The following GNGT1 variants were observed in gnomAD, a reference collection of about 807,000 sequenced individuals.
The protein encoded by GNGT1 is guanine nucleotide-binding protein G(T) subunit gamma-T1.
A neutral mutation model predicts 7.4 loss-of-function variants in GNGT1; 4 were observed. The ratio of observed to expected loss-of-function variants is 0.54; its 90% CI spans 0.27 to 1.24. The LOEUF is 1.24. Ranked by LOEUF, GNGT1 falls within the 50% of genes most tolerant of loss-of-function variation. GNGT1 has a pLI of 0.12. For missense variants in GNGT1, 95 were observed against 82.4 expected (o/e 1.15, Z -0.59); for synonymous variants, 37 against 30.2 (o/e 1.23, Z -0.74).
chr7:93,908,322 A>G (rs1029010064), intron 2 of GNGT1, among the ~76,000 whole-genome samples: 7 of 152,228 alleles, frequency 4.6e-5, no homozygotes, highest in Middle Eastern at 3.4e-3. Context: ...CCAGAGTATC[A>G]TAGACTGGTG....
At chr7:93,908,215 G>A (rs1191514434) in intron 2 of GNGT1, among the ~76,000 whole-genome samples, 1 of 151,944 alleles carries the variant, frequency 6.6e-6, no homozygotes, top group Non-Finnish European at 1.5e-5. Flanking sequence ...TTTAATATCA[G>A]ACTGCAAAAA....
At position 93,911,046 on chromosome 7, in the gene GNGT1, A is replaced by C; in HGVS notation, c.*128A>C. ...CGTGAATTTTTAAATTTATAGATGT[A>C]AACTTTTAATAAAAATTGGGGTGTG... On this transcript the variant is annotated 3_prime_UTR_variant, in exon 3 of 3. Coordinates refer to ENST00000248572, the MANE Select transcript of GNGT1 (RefSeq NM_021955.5). 1 of 542,186 alleles carries C rather than the reference A, an allele frequency of 1.8e-6. No individual in the cohort carries two copies. Among genetic ancestry groups the C allele is most frequent in the Non-Finnish European group, 3.0e-6 (1 of 337,856 alleles). The allele number at this position is 542,186 out of a possible 1,614,324, so 33.6% of individuals were successfully genotyped here.
At chr7:93,907,951 T>C (rs1228493446) in intron 2 of GNGT1, among the ~76,000 whole-genome samples, 1 of 152,156 alleles carries the variant, frequency 6.6e-6, no homozygotes, top group East Asian at 1.9e-4. Flanking sequence ...TCAGGGTAAA[T>C]AAAATGAACT....
At position 93,910,800 on chromosome 7, in the gene GNGT1, G is replaced by A. The variant is rs1313465886; in HGVS notation, c.107G>A (p.Cys36Tyr). The change falls in exon 3 of 3, where the codon TGT (cysteine) becomes TAT (tyrosine). Residue 36 changes from cysteine (C) to tyrosine (Y), a missense_variant. By Grantham distance (194) the Cys-to-Tyr change is radical (BLOSUM62 -2). Transcript: ENST00000248572. ...TTCCTTCCCCTTAAGGTTTCCAAAT[G>A]TTGTGAAGAAGTAAGAGATTACGTT... ...VTLERMLVSKCCEEVRDYVEE... is the reference protein window; with the variant it reads ...VTLERMLVSKYCEEVRDYVEE... 1 of 1,603,048 alleles carries A rather than the reference G, an allele frequency of 6.2e-7. No individual in the cohort carries two copies. Among genetic ancestry groups the A allele is most frequent in the South Asian group, 1.1e-5 (1 of 89,512 alleles).
chr7:93,910,481 C>T (rs1476585238), intron 2 of GNGT1: 2 of 164,878 alleles, frequency 1.2e-5, no homozygotes, highest in East Asian at 1.6e-4. Flanking sequence ...TGGTGACACC[C>T]TTGACTTCTG....
chr7:93,908,601 A>G (rs1794412682), intron 2 of GNGT1, among the ~76,000 whole-genome samples: 1 of 151,980 alleles, frequency 6.6e-6, no homozygotes, highest in Non-Finnish European at 1.5e-5. Flanking sequence ...TCAACAAATG[A>G]ATTTATATAG....
At position 93,910,790 on chromosome 7, in the gene GNGT1, G is replaced by C; in HGVS notation, c.97G>C (p.Val33Leu). 1 of 1,599,036 alleles carries C rather than the reference G, an allele frequency of 6.3e-7. No individual in the cohort carries two copies. The highest frequency in any genetic ancestry group is 1.3e-5 in the African/African-American group (1 of 74,526). ...KKEVTLERML[V>L]SKCCEEVRDY... The stretch of plus-strand genomic sequence containing the variant: ...TCATCCCTTTTTCCTTCCCCTTAAG[G>C]TTTCCAAATGTTGTGAAGAAGTAAG... Residue 33 changes from valine (V) to leucine (L), a missense_variant and splice_region_variant, in exon 3 of 3, where the codon GTT becomes CTT. Val to Leu is a conservative substitution (Grantham distance 32). Transcript: ENST00000248572.
intron 2 of GNGT1, chr7:93,909,386 C>T (rs1794425913): frequency 1.6e-6 from 1 of 644,974 alleles, no homozygotes; most frequent in Non-Finnish European, 2.8e-6. Flanking sequence ...TGTTAAACTA[C>T]ATATATTTAT....
Position 93,910,985 on chromosome 7 carries a change from AT to A in GNGT1, c.*72del. ...ATCTCAAATGTTAATAACAATATGA[AT>A]TTTTCTCATGCATACTATTACTACT... On this transcript the variant is annotated 3_prime_UTR_variant, in exon 3 of 3. Transcript: ENST00000248572. The A allele has an allele frequency of 8.7e-7, 1 of 1,147,958 alleles. No homozygotes were observed. The highest frequency in any genetic ancestry group is 1.2e-6 in the Non-Finnish European group (1 of 824,788). The allele number at this position is 1,147,958 out of a possible 1,614,324, so 71.1% of individuals were successfully genotyped here.
chr7:93,910,756 C>T, intron 2 of GNGT1, 34 bp from the exon 3 acceptor site: 3 of 1,530,788 alleles, frequency 2.0e-6, no homozygotes, highest in Non-Finnish European at 2.7e-6. Context: ...CTGTTTTAAA[C>T]CAAATGAGTC....
chr7:93,908,891 C>T (rs1432532494), intron 2 of GNGT1, among the ~76,000 whole-genome samples: 2 of 152,108 alleles, frequency 1.3e-5, no homozygotes, highest in Non-Finnish European at 2.9e-5. Context: ...TCTATGTTAT[C>T]TAACTCACCT....
chr7:93,906,593 T>G lies in GNGT1; in HGVS notation c.-63T>G. On this transcript the variant is annotated 5_prime_UTR_variant, in exon 1 of 3. The change abolishes an upstream ATG in the 5' untranslated region. Transcript: ENST00000248572. ...GAATTGTTAAGAGAGAGAGCTCATA[T>G]GAAATTGGTTATCGTGGGATATTTA... 2.3e-5 allele frequency: 14 copies of G among 604,408 alleles called. No individual in the cohort carries two copies. Among genetic ancestry groups the G allele is most frequent in the East Asian group, 6.5e-5 (2 of 30,960 alleles). The allele number at this position is 604,408 out of a possible 1,614,324, so 37.4% of individuals were successfully genotyped here.
At chr7:93,906,972 A>AGGTAG in intron 2 of GNGT1, 130 bp downstream of exon 2, 1 of 518,380 alleles carries the variant, frequency 1.9e-6, no homozygotes, top group Non-Finnish European at 3.3e-6. Flanking sequence ...TTTATCAAAG[A>AGGTAG]TTAAGAAAAT....
chr7:93,909,280 G>A (rs1258772659), intron 2 of GNGT1, among the ~76,000 whole-genome samples: 2 of 152,136 alleles, frequency 1.3e-5, no homozygotes, highest in Non-Finnish European at 2.9e-5. Context: ...AACCAATGCA[G>A]CTATTCATAT....
At chr7:93,908,319 A>G (rs1040316489) in intron 2 of GNGT1, among the ~76,000 whole-genome samples, 1 of 152,090 alleles carries the variant, frequency 6.6e-6, no homozygotes, top group African/African-American at 2.4e-5. Context: ...GTACCAGAGT[A>G]TCATAGACTG....
rs753632527 is a variant in GNGT1, at chr7:93,910,835, T to C, written c.142T>C (p.Ser48Pro). The change falls in exon 3 of 3, where the codon TCT (serine) becomes CCT (proline). Residue 48 changes from serine (S) to proline (P), a missense_variant. Transcript: ENST00000248572. The part of the protein sequence containing the change: ...EEVRDYVEER[S>P]GEDPLVKGIP... ...AGTAAGAGATTACGTTGAAGAACGA[T>C]CTGGCGAGGATCCACTGGTAAAGGG... 1.9e-6 allele frequency: 3 copies of C among 1,607,032 alleles called. No individual in the cohort carries two copies. The highest frequency in any genetic ancestry group is 1.7e-5 in the Admixed American group (1 of 59,866).
chr7:93,906,919 G>T, intron 2 of GNGT1, 77 bp downstream of exon 2: 2 of 752,620 alleles, frequency 2.7e-6, no homozygotes, highest in East Asian at 2.9e-5. Context: ...AACATTGGCT[G>T]GAAAGGCTCA....
chr7:93,907,275 CA>C (rs1426494536), intron 2 of GNGT1, among the ~76,000 whole-genome samples: 1 of 152,060 alleles, frequency 6.6e-6, no homozygotes, highest in Non-Finnish European at 1.5e-5. Flanking sequence ...TAAATATACG[CA>C]TGCAATAATA....
intron 2 of GNGT1, among the ~76,000 whole-genome samples, chr7:93,908,910 G>A (rs866798486): frequency 6.6e-6 from 1 of 152,026 alleles, no homozygotes; most frequent in South Asian, 2.1e-4. Flanking sequence ...CTGTGCCTCT[G>A]TTTCTTCAAA....
Sources: allele counts gnomAD v4.1 joint callset (sites outside exome capture counted in the v4.1 genomes callset), GRCh38; gene constraint gnomAD v4.1.1; transcripts MANE v1.5; gene names NCBI Gene and HGNC (gene_info 2026-07-23, HGNC 2026-07-21).